Variants in LPAR6 observed in about 807,000 individuals in gnomAD.
The protein encoded by LPAR6 is G-protein coupled purinergic receptor P2Y5.
A neutral mutation model predicts 22.0 loss-of-function variants in LPAR6; 17 were observed. That is an observed-to-expected ratio of 0.77 (90% CI 0.53 to 1.16). LPAR6 has a LOEUF of 1.16. LPAR6 is among the 50% of genes most tolerant of loss of function. The pLI, the probability that LPAR6 is intolerant of heterozygous loss-of-function variation, is 0.00. For missense variants in LPAR6, 384 were observed against 406.9 expected, an observed-to-expected ratio of 0.94 and a Z score of 0.48; for synonymous variants, 136 against 139.8, an observed-to-expected ratio of 0.97 and a Z score of 0.19.
intron 1 of LPAR6, among the ~76,000 whole-genome samples, chr13:48,405,977 A>G (rs539963035): frequency 1.3e-4 from 20 of 152,278 alleles, no homozygotes; most frequent in Admixed American, 2.0e-4. Context: ...TCTCATTATT[A>G]CAGCTGCATA....
Position 48,389,684 on chromosome 13 carries a change from G to A in LPAR6, n.243C>T, listed in dbSNP as rs554524246. The A allele has an allele frequency of 5.3e-5, 8 of 152,298 alleles. No homozygotes were observed. In the South Asian group the frequency reaches 1.5e-3, roughly 28 times the overall value. 9.4% of individuals were successfully genotyped at this position (152,298 alleles called of 1,614,324 possible). ...GTGTCAGCAGGTGCCTGGAGCTATA[G>A]GGTCCACTTCCAAGATGCTTCTTCA... On this transcript the variant is annotated non_coding_transcript_exon_variant, in exon 2 of 2. Coordinates refer to the LPAR6 transcript ENST00000462781.
chr13:48,396,178 C>T (rs1948646587), intron 1 of LPAR6, among the ~76,000 whole-genome samples: 1 of 152,032 alleles, frequency 6.6e-6, no homozygotes, highest in African/African-American at 2.4e-5. Context: ...AAAAAGAGCC[C>T]ATATAGCCGA....
intron 1 of LPAR6, chr13:48,426,580 C>T (rs1949082494): frequency 6.6e-6 from 1 of 152,164 alleles, no homozygotes. Context: ...TCCACCTTAC[C>T]CCTGTTACAA....
intron 1 of LPAR6, among the ~76,000 whole-genome samples, chr13:48,396,052 G>A (rs180933027): frequency 6.3e-4 from 96 of 152,248 alleles, no homozygotes; most frequent in Non-Finnish European, 1.2e-3. Flanking sequence ...AAATTATAGC[G>A]TGAAAATGGC....
In LPAR6 at chr13:48,411,405, T is replaced by C. The variant is rs1255087286; in HGVS notation, c.1019A>G (p.Asn340Ser). The C allele has an allele frequency of 1.2e-6, 2 of 1,611,490 alleles. No homozygotes were observed. Among genetic ancestry groups the C allele is most frequent in the Non-Finnish European group, 8.5e-7 (1 of 1,179,290 alleles). ...LQTLKSKIFDNESAA is the reference protein window; with the variant it reads ...LQTLKSKIFDSESAA ...GGTTTTATTTCAGGCAGCAGATTCA[T>C]TGTCAAATATCTTACTTTTTAAGGT... Residue 340 changes from asparagine (N) to serine (S), a missense_variant, in exon 1 of 1, where the codon AAT becomes AGT. Coordinates refer to ENST00000620633, the MANE Select transcript of LPAR6 (RefSeq NM_001162498.3).
chr13:48,423,943 G>A (rs2096406303), intron 1 of LPAR6: 1 of 152,500 alleles, frequency 6.6e-6, no homozygotes, highest in African/African-American at 2.4e-5. Flanking sequence ...AAAGAAAAAA[G>A]TATGGGACAT....
intron 2 of LPAR6, among the ~76,000 whole-genome samples, chr13:48,420,800 G>C: frequency 6.6e-6 from 1 of 152,032 alleles, no homozygotes; most frequent in Non-Finnish European, 1.5e-5. Context: ...GCTACAAAGA[G>C]AATAAAATAC....
chr13:48,421,690 A>G (rs772067387), intron 2 of LPAR6, among the ~76,000 whole-genome samples: 1 of 152,226 alleles, frequency 6.6e-6, no homozygotes, highest in Non-Finnish European at 1.5e-5. Flanking sequence ...AAACAACTCC[A>G]TCAAAAAGTG....
intron 1 of LPAR6, among the ~76,000 whole-genome samples, chr13:48,403,427 A>T (rs1047676172): frequency 6.6e-6 from 1 of 152,090 alleles, no homozygotes; most frequent in Non-Finnish European, 1.5e-5. Context: ...GGAGGAGTTG[A>T]TTCATTTTTT....
downstream of LPAR6, among the ~76,000 whole-genome samples, chr13:48,409,944 T>C (rs997658859): frequency 6.6e-6 from 1 of 152,192 alleles, no homozygotes; most frequent in African/African-American, 2.4e-5. Flanking sequence ...GTACTTTTTT[T>C]CTAAAGTATA....
intron 1 of LPAR6, among the ~76,000 whole-genome samples, chr13:48,438,459 T>C (rs892196411): frequency 6.6e-6 from 1 of 152,206 alleles, no homozygotes; most frequent in Non-Finnish European, 1.5e-5. Context: ...ATGCTCCTAA[T>C]CTGAGTTAGT....
At chr13:48,399,725 C>T (rs947221986) in intron 1 of LPAR6, among the ~76,000 whole-genome samples, 5 of 151,906 alleles carry the variant, frequency 3.3e-5, no homozygotes, top group Non-Finnish European at 5.9e-5. Context: ...CTGAGTTCTT[C>T]ATCCAGATCT....
intron 1 of LPAR6, among the ~76,000 whole-genome samples, chr13:48,393,308 G>C (rs1410988433): frequency 6.6e-6 from 1 of 152,126 alleles, no homozygotes; most frequent in Non-Finnish European, 1.5e-5. Context: ...GTTTGCCTTG[G>C]CATCTCCCAT....
rs116580726 is a variant in LPAR6, at chr13:48,435,173, C to T, written c.-1474+9380G>A. On this transcript the variant is annotated intron_variant, in intron 1 of 6. Coordinates refer to the LPAR6 transcript ENST00000378434. ...GAGTGGTTGAATCATTTTAAATTTC[C>T]GCCAGCAATATACGAGTGAGTGATC... Among the ~76,000 whole-genome samples the T allele has an allele frequency of 1.8e-3, 269 of 152,220 alleles. 1 individual carries two copies. The highest frequency in any genetic ancestry group is 5.5e-3 in the African/African-American group (230 of 41,538).
intron 1 of LPAR6, among the ~76,000 whole-genome samples, chr13:48,391,945 G>A (rs927847062): frequency 5.3e-5 from 8 of 152,084 alleles, no homozygotes; most frequent in African/African-American, 1.9e-4. Flanking sequence ...TTGTGTGCAT[G>A]TCTACTAGTG....
intron 2 of LPAR6, among the ~76,000 whole-genome samples, chr13:48,421,960 G>A (rs1949012565): frequency 6.6e-6 from 1 of 152,106 alleles, no homozygotes; most frequent in South Asian, 2.1e-4. Context: ...ACAGTGTGGC[G>A]ATTCCTCAAG....
upstream of LPAR6, among the ~76,000 whole-genome samples, chr13:48,415,260 G>A (rs1156593927): frequency 6.6e-6 from 1 of 151,138 alleles, no homozygotes; most frequent in Non-Finnish European, 1.5e-5. Context: ...TTCATCTATA[G>A]TTTTTTCTTT....
At chr13:48,408,960 G>C (rs1462441045), downstream of LPAR6, among the ~76,000 whole-genome samples, 1 of 152,102 alleles carries the variant, frequency 6.6e-6, no homozygotes, top group African/African-American at 2.4e-5. Context: ...CAGATCAGTA[G>C]ATTGGTAGTT....
Position 48,411,262 on chromosome 13 carries a change from C to CT in LPAR6, c.*126dup. 3.8e-6 allele frequency: 3 copies of CT among 792,836 alleles called. No individual in the cohort carries two copies. Among genetic ancestry groups the CT allele is most frequent in the Non-Finnish European group, 2.2e-6 (1 of 461,738 alleles). The allele number at this position is 792,836 out of a possible 1,614,324, so 49.1% of individuals were successfully genotyped here. A position where few individuals can be genotyped will look rare whatever the true frequency, so the allele number is the denominator to read the frequency against. ...ACATTGAATACAAATTTTCTTTATA[C>CT]TAAAGACTTTAAAATGTCCATGTGT... On this transcript the variant is annotated 3_prime_UTR_variant, in exon 1 of 1. Transcript: ENST00000620633.
Sources: allele counts gnomAD v4.1 joint callset (sites outside exome capture counted in the v4.1 genomes callset), GRCh38; gene constraint gnomAD v4.1.1; transcripts MANE v1.5; gene names NCBI Gene and HGNC (gene_info 2026-07-23, HGNC 2026-07-21).